The following CDH13 variants were observed in gnomAD, a reference collection of about 807,000 sequenced individuals.
The protein encoded by CDH13 is cadherin 13.
Under a neutral mutation model 63.8 loss-of-function variants are expected in CDH13, and 24 were observed. That is an observed-to-expected ratio of 0.38 (90% CI 0.27 to 0.53). The LOEUF (loss-of-function observed/expected upper bound fraction) is 0.53, where lower values mean the gene tolerates loss of function less well. CDH13 is among the 20% of genes least tolerant of loss of function. The pLI, the probability that CDH13 is intolerant of heterozygous loss-of-function variation, is 0.85. For synonymous variants in CDH13, 503 were observed against 355.3 expected (o/e 1.42, Z -4.67); for missense variants, 1,049 against 903.1 (o/e 1.16, Z -2.07).
intron 7 of CDH13, among the ~76,000 whole-genome samples, chr16:83,570,058 T>C (rs1904429968): frequency 6.6e-6 from 1 of 152,100 alleles, no homozygotes; most frequent in South Asian, 2.1e-4. Flanking sequence ...TTTAAACTGA[T>C]CATCATCCAT....
chr16:83,601,122 A>G (rs1041518339), intron 7 of CDH13, among the ~76,000 whole-genome samples: 1 of 152,170 alleles, frequency 6.6e-6, no homozygotes, highest in Admixed American at 6.5e-5. Context: ...GACTCATTCC[A>G]AAAGTTCAAT....
chr16:83,029,670 C>G (rs184967475), intron 2 of CDH13, among the ~76,000 whole-genome samples: 3 of 152,142 alleles, frequency 2.0e-5, no homozygotes, highest in Admixed American at 1.3e-4. Flanking sequence ...GCAGGTAAAA[C>G]CAATCTGTGG....
intron 6 of CDH13, among the ~76,000 whole-genome samples, chr16:83,481,639 A>G (rs1161917774): frequency 1.3e-5 from 2 of 152,312 alleles, no homozygotes; most frequent in Admixed American, 6.5e-5. Flanking sequence ...GCAAAAGAAA[A>G]TGACGGCCCA....
At chr16:83,493,226 T>G (rs1416608804) in intron 7 of CDH13, among the ~76,000 whole-genome samples, 1 of 152,206 alleles carries the variant, frequency 6.6e-6, no homozygotes, top group Non-Finnish European at 1.5e-5. Flanking sequence ...TGATTGACAA[T>G]GAGACTGAAG....
chr16:83,133,956 A>G (rs2036165293), intron 4 of CDH13, among the ~76,000 whole-genome samples: 1 of 152,238 alleles, frequency 6.6e-6, no homozygotes, highest in Non-Finnish European at 1.5e-5. Context: ...AGCGACTCAA[A>G]TATTCTCTGA....
chr16:82,630,469 C>A (rs895508869), intron 1 of CDH13, among the ~76,000 whole-genome samples: 1 of 152,224 alleles, frequency 6.6e-6, no homozygotes, highest in African/African-American at 2.4e-5. Flanking sequence ...CTGCCTCCCT[C>A]CCTTCTCCCC....
At chr16:82,808,322 A>T (rs1382576911) in intron 1 of CDH13, among the ~76,000 whole-genome samples, 1 of 152,222 alleles carries the variant, frequency 6.6e-6, no homozygotes, top group African/African-American at 2.4e-5. Flanking sequence ...CTGTGAAGCA[A>T]GATCTAACAG....
intron 6 of CDH13, among the ~76,000 whole-genome samples, chr16:83,486,089 G>A (rs1015879278): frequency 5.9e-5 from 9 of 152,192 alleles, no homozygotes; most frequent in African/African-American, 1.7e-4. Flanking sequence ...GTTGCAGTAA[G>A]CCAAGATCAC....
At chr16:83,556,263 G>C (rs2075600211) in intron 7 of CDH13, among the ~76,000 whole-genome samples, 1 of 152,150 alleles carries the variant, frequency 6.6e-6, no homozygotes, top group African/African-American at 2.4e-5. Flanking sequence ...TCTTAAGTAA[G>C]CCAGCCCTAA....
chr16:83,516,846 C>T (rs1350040969), intron 7 of CDH13, among the ~76,000 whole-genome samples: 1 of 152,128 alleles, frequency 6.6e-6, no homozygotes, highest in Non-Finnish European at 1.5e-5. Context: ...CAGGTGGATT[C>T]CCACCTTGTT....
At chr16:83,066,887 C>G (rs2032058144) in intron 3 of CDH13, among the ~76,000 whole-genome samples, 1 of 152,148 alleles carries the variant, frequency 6.6e-6, no homozygotes, top group African/African-American at 2.4e-5. Context: ...AGAGTGAGTG[C>G]TTAAAGGCAC....
At chr16:83,630,185 C>T (rs553825437) in intron 8 of CDH13, among the ~76,000 whole-genome samples, 2 of 152,160 alleles carry the variant, frequency 1.3e-5, no homozygotes, top group South Asian at 4.1e-4. Context: ...TTTAACCTCT[C>T]TGAGATCTGG....
intron 3 of CDH13, among the ~76,000 whole-genome samples, chr16:83,077,513 C>G (rs1013849225): frequency 6.6e-6 from 1 of 152,162 alleles, no homozygotes; most frequent in East Asian, 1.9e-4. Context: ...TTTTTAGATT[C>G]ATTCATGCTC....
intron 2 of CDH13, among the ~76,000 whole-genome samples, chr16:82,932,483 A>G (rs938398140): frequency 1.3e-5 from 2 of 152,168 alleles, no homozygotes; most frequent in African/African-American, 4.8e-5. Flanking sequence ...AAACTTTTCC[A>G]TTAAAATAGA....
intron 6 of CDH13, among the ~76,000 whole-genome samples, chr16:83,398,915 CA>C (rs1160416255): frequency 2.6e-5 from 4 of 152,026 alleles, no homozygotes; most frequent in South Asian, 2.1e-4. Context: ...AGAGATAGGA[CA>C]AAAAATGTTG....
Position 83,168,628 on chromosome 16 carries a change from A to T in CDH13, c.483+43127A>T, listed in dbSNP as rs142979278. Among the ~76,000 whole-genome samples the T allele has an allele frequency of 8.2e-3, 1,252 of 152,038 alleles. 24 individuals are homozygous for T. The highest frequency in any genetic ancestry group is 0.029 in the African/African-American group (1,208 of 41,500). On this transcript the variant is annotated intron_variant, in intron 4 of 13. Transcript: ENST00000567109. ...AAATTTTAAAAAAAACGAACTTGTA[A>T]TTTCCCCACTCAGAGATAGCTTCTG...
chr16:83,751,967 G>A (rs958181911), intron 11 of CDH13, among the ~76,000 whole-genome samples: 1 of 152,238 alleles, frequency 6.6e-6, no homozygotes, highest in African/African-American at 2.4e-5. Flanking sequence ...CCATGCAGAA[G>A]AGATGCGACT....
At chr16:83,019,178 C>G (rs1043027502) in intron 2 of CDH13, among the ~76,000 whole-genome samples, 2 of 152,196 alleles carry the variant, frequency 1.3e-5, no homozygotes, top group African/African-American at 4.8e-5. Context: ...GCTTACAACA[C>G]AAACACATTG....
intron 3 of CDH13, among the ~76,000 whole-genome samples, chr16:83,086,198 C>A (rs114425168): frequency 6.6e-6 from 1 of 152,134 alleles, no homozygotes; most frequent in Non-Finnish European, 1.5e-5. Context: ...AATAAGAGAG[C>A]GGTTTTCTCA....
Sources: allele counts gnomAD v4.1 joint callset (sites outside exome capture counted in the v4.1 genomes callset), GRCh38; gene constraint gnomAD v4.1.1; transcripts MANE v1.5; gene names NCBI Gene and HGNC (gene_info 2026-07-23, HGNC 2026-07-21).